OR2L13: variants seen among roughly 807,000 people sequenced by gnomAD.
The protein encoded by OR2L13 is olfactory receptor 2L13.
In OR2L13, 14 loss-of-function variants were observed where a neutral mutation model predicts 15.3. That is an observed-to-expected ratio of 0.91 (90% CI 0.60 to 1.43). The LOEUF is 1.43. Among genes scored for constraint, OR2L13 ranks in the 40% most tolerant of loss-of-function variants. OR2L13 has a pLI of 0.00. For missense variants in OR2L13, 367 were observed against 387.9 expected (o/e 0.95, Z 0.45); for synonymous variants, 152 against 142.9 (o/e 1.06, Z -0.45).
chr1:248,025,808 G>A, the OR2L13 span, among the ~76,000 whole-genome samples: 7,256 of 150,582 alleles, frequency 0.048, 575 homozygotes, highest in African/African-American at 0.17. Flanking sequence ...AGGGACATGG[G>A]TGAAATTGGA....
chr1:247,939,517 C>T, the OR2L13 span: 1 of 152,164 alleles, frequency 6.6e-6, no homozygotes, highest in Non-Finnish European at 1.5e-5. Flanking sequence ...CTATGCTTTC[C>T]TTGCACTTAC....
At chr1:248,083,430 A>G in the OR2L13 span, 6 of 540,854 alleles carry the variant, frequency 1.1e-5, no homozygotes, top group Non-Finnish European at 2.0e-5. Flanking sequence ...AAAGTAATAT[A>G]TAGATTTTAC....
chr1:248,044,689 G>C, the OR2L13 span, among the ~76,000 whole-genome samples: 1 of 117,368 alleles, frequency 8.5e-6, no homozygotes, highest in South Asian at 2.3e-4. Flanking sequence ...TGTAGTCCCA[G>C]CTACTCGGGA....
the OR2L13 span, chr1:248,084,446 G>A: frequency 0.073 from 117,240 of 1,601,656 alleles, 4,373 homozygotes; most frequent in African/African-American, 0.32. Flanking sequence ...GGAGCCGGCC[G>A]GTCCCGGTGA....
the OR2L13 span, among the ~76,000 whole-genome samples, chr1:247,963,978 G>A: frequency 6.6e-6 from 1 of 152,164 alleles, no homozygotes; most frequent in African/African-American, 2.4e-5. Flanking sequence ...GCCAGTTCAG[G>A]ATATAGACCA....
At chr1:248,015,584 C>G in the OR2L13 span, among the ~76,000 whole-genome samples, 1 of 152,140 alleles carries the variant, frequency 6.6e-6, no homozygotes, top group Non-Finnish European at 1.5e-5. Flanking sequence ...AGAAAGATCA[C>G]TTTCTGGAAG....
the OR2L13 span, chr1:248,023,717 A>G: frequency 6.6e-6 from 1 of 152,186 alleles, no homozygotes; most frequent in Non-Finnish European, 1.5e-5. Context: ...CATTATTTTT[A>G]TAAAAGTTGT....
chr1:247,986,261 T>C, the OR2L13 span, among the ~76,000 whole-genome samples: 1 of 152,234 alleles, frequency 6.6e-6, no homozygotes. Context: ...CATTTAAGTC[T>C]TTAATCCATC....
At chr1:248,055,086 G>C in the OR2L13 span, among the ~76,000 whole-genome samples, 1 of 152,056 alleles carries the variant, frequency 6.6e-6, no homozygotes, top group African/African-American at 2.4e-5. Flanking sequence ...TGTCATAAAT[G>C]GCTCTTATTA....
At chr1:247,982,225 T>A in the OR2L13 span, among the ~76,000 whole-genome samples, 1 of 152,206 alleles carries the variant, frequency 6.6e-6, no homozygotes. Context: ...AATCTCTGAA[T>A]TAGTGGAAAA....
chr1:248,057,459 A>G, the OR2L13 span, among the ~76,000 whole-genome samples: 1 of 152,220 alleles, frequency 6.6e-6, no homozygotes, highest in Non-Finnish European at 1.5e-5. Context: ...GATTGCTACC[A>G]CTGCTTTTTC....
At chr1:248,065,680 C>T in the OR2L13 span, among the ~76,000 whole-genome samples, 114 of 146,068 alleles carry the variant, frequency 7.8e-4, no homozygotes, top group African/African-American at 2.7e-3. Context: ...TGAGAACATG[C>T]GGTGTTTGGT....
At chr1:247,990,210 C>G in the OR2L13 span, 1 of 653,592 alleles carries the variant, frequency 1.5e-6, no homozygotes, top group East Asian at 2.8e-5. Context: ...TAAGGGGGAA[C>G]TACTGTACTT....
At chr1:248,045,567 G>A in the OR2L13 span, among the ~76,000 whole-genome samples, 1 of 152,138 alleles carries the variant, frequency 6.6e-6, no homozygotes, top group African/African-American at 2.4e-5. Flanking sequence ...GTCTTTTGAA[G>A]ATGTGAAAAC....
the OR2L13 span, chr1:248,039,287 A>C: frequency 2.4e-3 from 3,128 of 1,302,864 alleles, 40 homozygotes; most frequent in African/African-American, 0.04. Context: ...ACATTATTAC[A>C]TGCCCAGTGT....
the OR2L13 span, among the ~76,000 whole-genome samples, chr1:248,004,926 C>T: frequency 6.6e-6 from 1 of 152,096 alleles, no homozygotes; most frequent in Non-Finnish European, 1.5e-5. Context: ...CAGAAAGATT[C>T]TGCATGTTCT....
chr1:247,993,868 T>A, the OR2L13 span, among the ~76,000 whole-genome samples: 1 of 151,018 alleles, frequency 6.6e-6, no homozygotes, highest in Non-Finnish European at 1.5e-5. Flanking sequence ...GTAAAACCAA[T>A]GGACATGCAT....
At chr1:248,077,882 T>C in the OR2L13 span, among the ~76,000 whole-genome samples, 1 of 152,114 alleles carries the variant, frequency 6.6e-6, no homozygotes, top group Admixed American at 6.6e-5. Context: ...ATGAAATATA[T>C]GTCAATATAT....
At chr1:248,046,173 G>A in the OR2L13 span, among the ~76,000 whole-genome samples, 1 of 151,954 alleles carries the variant, frequency 6.6e-6, no homozygotes, top group African/African-American at 2.4e-5. Context: ...AACATCATTA[G>A]GTCATCTAAT....
Sources: allele counts gnomAD v4.1 joint callset (sites outside exome capture counted in the v4.1 genomes callset), GRCh38; gene constraint gnomAD v4.1.1; transcripts MANE v1.5; gene names NCBI Gene and HGNC (gene_info 2026-07-23, HGNC 2026-07-21).